The following GFRA2 variants were observed in gnomAD, a reference collection of about 807,000 sequenced individuals.
GFRA2 encodes the protein GDNF family receptor alpha 2.
In GFRA2, 17 loss-of-function variants were observed where a neutral mutation model predicts 48.3. The ratio of observed to expected loss-of-function variants is 0.35; its 90% CI spans 0.24 to 0.53. The LOEUF is 0.53. GFRA2 is among the 20% of genes least tolerant of loss of function. GFRA2 has a pLI of 0.93. For synonymous variants in GFRA2, 305 were observed against 257.2 expected, an observed-to-expected ratio of 1.19 and a Z score of -1.78; for missense variants, 660 against 637.3, an observed-to-expected ratio of 1.04 and a Z score of -0.38.
At chr8:21,792,220 C>G (rs1460072949), upstream of GFRA2, among the ~76,000 whole-genome samples, 1 of 152,248 alleles carries the variant, frequency 6.6e-6, no homozygotes, top group Non-Finnish European at 1.5e-5. Flanking sequence ...CAGCCCCACC[C>G]CAACACACGC....
intron 4 of GFRA2, among the ~76,000 whole-genome samples, chr8:21,725,809 C>T (rs901618011): frequency 6.6e-6 from 1 of 152,214 alleles, no homozygotes; most frequent in Non-Finnish European, 1.5e-5. Context: ...CCGGTCCTCT[C>T]AGAGGCATGC....
At chr8:21,702,040 C>T (rs1449290349) in intron 7 of GFRA2, among the ~76,000 whole-genome samples, 1 of 152,180 alleles carries the variant, frequency 6.6e-6, no homozygotes, top group South Asian at 2.1e-4. Context: ...GAGGACCTGA[C>T]AGATGGCACA....
In GFRA2 at chr8:21,782,877, G is replaced by C. The variant is rs896845217; in HGVS notation, c.63C>G (p.Ala21=). 16 of 1,562,904 alleles carry C rather than the reference G, an allele frequency of 1.0e-5. No homozygotes were observed. In the East Asian group the frequency reaches 3.5e-4, roughly 34 times the overall value. ...FFLDETLRSL[A]SPSSLQGPEL... ...CGGGGCCCTGCAGGGAGGAAGGGCT[G>C]GCCAAAGAGCGGAGGGTCTCGTCTG... Residue 21 remains alanine, a synonymous_variant, in exon 2 of 9, where the codon GCC becomes GCG. Coordinates refer to ENST00000524240, the MANE Select transcript of GFRA2 (RefSeq NM_001495.5).
chr8:21,767,546 C>A (rs1806234452), intron 3 of GFRA2, among the ~76,000 whole-genome samples: 1 of 152,224 alleles, frequency 6.6e-6, no homozygotes, highest in Non-Finnish European at 1.5e-5. Context: ...GATGGCGAAG[C>A]CAGGGCGTGC....
intron 4 of GFRA2, among the ~76,000 whole-genome samples, chr8:21,734,405 C>G (rs1804349818): frequency 6.6e-6 from 1 of 152,268 alleles, no homozygotes; most frequent in South Asian, 2.1e-4. Flanking sequence ...CTGCTGGAAG[C>G]AGACCAGGTC....
intron 1 of GFRA2, among the ~76,000 whole-genome samples, chr8:21,806,557 C>G (rs535995747): frequency 6.6e-6 from 1 of 152,148 alleles, no homozygotes; most frequent in Non-Finnish European, 1.5e-5. Context: ...CCCAGGACCC[C>G]GGACTCAAGC....
intron 4 of GFRA2, among the ~76,000 whole-genome samples, chr8:21,739,360 G>A (rs1426444211): frequency 2.0e-5 from 3 of 152,070 alleles, no homozygotes; most frequent in Non-Finnish European, 4.4e-5. Context: ...CTGAGGATGG[G>A]GAACTCACTA....
At chr8:21,697,222 A>AG (rs1802253355) in intron 7 of GFRA2, among the ~76,000 whole-genome samples, 1 of 89,058 alleles carries the variant, frequency 1.1e-5, no homozygotes, top group Non-Finnish European at 2.4e-5. Flanking sequence ...AGGGGAGGGC[A>AG]TGGTAAGGGG....
At position 21,705,387 on chromosome 8, in the gene GFRA2, G is replaced by A. The variant is rs569610156; in HGVS notation, c.905-262C>T. On this transcript the variant is annotated intron_variant, in intron 5 of 8. Coordinates refer to ENST00000524240, the MANE Select transcript of GFRA2 (RefSeq NM_001495.5). Reference sequence around the variant, plus strand: ...AGGAAGGCAGAGAAGATGCCCTGGAGCCCCTCCCAGAGTGTGGGCCCTTGC... The same window carrying A: ...AGGAAGGCAGAGAAGATGCCCTGGAACCCCTCCCAGAGTGTGGGCCCTTGC... Among the ~76,000 whole-genome samples the A allele has an allele frequency of 1.1e-3, 161 of 152,268 alleles. 3 individuals are homozygous for A. The South Asian group carries it at 0.032, about 30-fold the overall frequency.
chr8:21,767,556 C>T (rs1305067647), intron 3 of GFRA2, among the ~76,000 whole-genome samples: 1 of 152,260 alleles, frequency 6.6e-6, no homozygotes, highest in Non-Finnish European at 1.5e-5. Context: ...CCAGGGCGTG[C>T]TCAGGGAGCC....
At chr8:21,798,128 G>A (rs375330009) in intron 2 of GFRA2, among the ~76,000 whole-genome samples, 3 of 152,194 alleles carry the variant, frequency 2.0e-5, no homozygotes, top group Admixed American at 6.5e-5. Context: ...TGAAGCCCAG[G>A]ATTCTGCAGT....
In GFRA2 at chr8:21,788,177, GTT is replaced by G. The variant is rs1278768650; in HGVS notation, c.-20_-19del. The stretch of plus-strand genomic sequence containing the variant: ...AAGATCATGTTAAATAAATCCCACC[GTT>G]TTTTTGTCTTTCTCCCTTGGGTAAA... On this transcript the variant is annotated 5_prime_UTR_variant, in exon 1 of 9. Coordinates refer to ENST00000524240, the MANE Select transcript of GFRA2 (RefSeq NM_001495.5). 3 of 1,593,494 alleles carry G rather than the reference GTT, an allele frequency of 1.9e-6. No individual in the cohort carries two copies. In the Admixed American group the frequency reaches 5.1e-5, roughly 27 times the overall value.
At chr8:21,784,492 C>G (rs1807170962) in intron 1 of GFRA2, among the ~76,000 whole-genome samples, 2 of 152,224 alleles carry the variant, frequency 1.3e-5, no homozygotes, top group Admixed American at 1.3e-4. Flanking sequence ...GGAGGCCCTG[C>G]TCAGGGGAGC....
At chr8:21,777,810 C>T (rs1479699637) in intron 2 of GFRA2, among the ~76,000 whole-genome samples, 7 of 152,302 alleles carry the variant, frequency 4.6e-5, no homozygotes, top group South Asian at 4.1e-4. Flanking sequence ...GGTCCTGCCA[C>T]GAGCTTGCTG....
At chr8:21,734,816 C>G (rs1359604468) in intron 4 of GFRA2, among the ~76,000 whole-genome samples, 1 of 152,204 alleles carries the variant, frequency 6.6e-6, no homozygotes, top group Non-Finnish European at 1.5e-5. Context: ...TATATCTCCT[C>G]TGTTTCAAGG....
At chr8:21,778,604 C>T (rs1389375741) in intron 2 of GFRA2, among the ~76,000 whole-genome samples, 11 of 152,300 alleles carry the variant, frequency 7.2e-5, no homozygotes, top group Admixed American at 3.3e-4. Context: ...AGACTTAGAA[C>T]CAGGCAGGAC....
intron 3 of GFRA2, among the ~76,000 whole-genome samples, chr8:21,765,876 T>C (rs1487150717): frequency 6.6e-6 from 1 of 152,060 alleles, no homozygotes; most frequent in Non-Finnish European, 1.5e-5. Flanking sequence ...CCCACTTCCT[T>C]TCAACCCCAC....
intron 1 of GFRA2, among the ~76,000 whole-genome samples, chr8:21,786,227 G>C (rs1807261422): frequency 1.3e-5 from 2 of 152,244 alleles, no homozygotes; most frequent in South Asian, 4.2e-4. Flanking sequence ...CCACGAGCAG[G>C]AACCCCAGCC....
chr8:21,807,616 C>G (rs969313320), intron 1 of GFRA2, among the ~76,000 whole-genome samples: 23 of 152,296 alleles, frequency 1.5e-4, no homozygotes, highest in Middle Eastern at 3.4e-3. Flanking sequence ...TTGCAGATGG[C>G]CACCTTCTTG....
Sources: allele counts gnomAD v4.1 joint callset (sites outside exome capture counted in the v4.1 genomes callset), GRCh38; gene constraint gnomAD v4.1.1; transcripts MANE v1.5; gene names NCBI Gene and HGNC (gene_info 2026-07-23, HGNC 2026-07-21).